Variants in FHIT observed in about 807,000 individuals in gnomAD.
The protein encoded by FHIT is bis(5'-adenosyl)-triphosphatase.
FHIT carries 19 observed loss-of-function variants against 17.9 expected under a neutral mutation model. That is an observed-to-expected ratio of 1.06 (90% CI 0.74 to 1.56). The LOEUF (loss-of-function observed/expected upper bound fraction) is 1.56. Among genes scored for constraint, FHIT ranks in the 40% most tolerant of loss-of-function variants. The probability of loss-of-function intolerance (pLI) is 0.00; values close to 1 mark genes in which losing one functional copy is unlikely to be tolerated. For missense variants in FHIT, 248 were observed against 189.2 expected (o/e 1.31, Z -1.82); for synonymous variants, 81 against 69.7 (o/e 1.16, Z -0.81).
At chr3:60,397,548 T>C (rs1310107947) in intron 5 of FHIT, among the ~76,000 whole-genome samples, 1 of 152,140 alleles carries the variant, frequency 6.6e-6, no homozygotes, top group Non-Finnish European at 1.5e-5. Flanking sequence ...CAGCAGTGGA[T>C]CAAGGATAGC....
chr3:60,255,373 G>T (rs1009512697), intron 5 of FHIT, among the ~76,000 whole-genome samples: 7 of 152,126 alleles, frequency 4.6e-5, no homozygotes, highest in Admixed American at 1.3e-4. Context: ...TGCACAGGAT[G>T]GCACAGGGGT....
At chr3:60,454,032 T>C (rs894672423) in intron 5 of FHIT, among the ~76,000 whole-genome samples, 3 of 152,196 alleles carry the variant, frequency 2.0e-5, no homozygotes, top group Non-Finnish European at 2.9e-5. Flanking sequence ...CTATTTCATC[T>C]TAAGAAAGCA....
At chr3:60,750,365 C>T (rs1222410613) in intron 4 of FHIT, among the ~76,000 whole-genome samples, 1 of 152,186 alleles carries the variant, frequency 6.6e-6, no homozygotes. Context: ...CCCCTCCTGA[C>T]ATGGTTTGGC....
intron 4 of FHIT, among the ~76,000 whole-genome samples, chr3:60,649,275 C>T (rs1314018524): frequency 6.6e-6 from 1 of 152,246 alleles, no homozygotes; most frequent in East Asian, 1.9e-4. Flanking sequence ...TGGCGGGCAC[C>T]TGTAGTCCCA....
chr3:59,907,498 C>T (rs1026539739), intron 8 of FHIT, among the ~76,000 whole-genome samples: 2 of 152,140 alleles, frequency 1.3e-5, no homozygotes, highest in Admixed American at 6.5e-5. Flanking sequence ...GTTCTAACTG[C>T]CCACCCCCAG....
intron 4 of FHIT, among the ~76,000 whole-genome samples, chr3:60,606,599 G>T (rs140904333): frequency 1.3e-5 from 2 of 152,072 alleles, no homozygotes; most frequent in East Asian, 3.9e-4. Context: ...CCACCATTAG[G>T]ATAGTGAATT....
At chr3:59,910,952 T>G (rs73102598) in intron 8 of FHIT, among the ~76,000 whole-genome samples, 1,586 of 152,292 alleles carry the variant, frequency 0.01, 13 homozygotes, top group Admixed American at 0.015. Context: ...AAATTAGAAT[T>G]CATTCCAAAC....
At chr3:60,690,788 A>G (rs1373653512) in intron 4 of FHIT, 1 of 341,572 alleles carries the variant, frequency 2.9e-6, no homozygotes, top group African/African-American at 2.2e-5. Context: ...TCTTAACTTC[A>G]ATTTCTCTCT....
intron 3 of FHIT, among the ~76,000 whole-genome samples, chr3:60,908,776 G>C (rs898360470): frequency 8.0e-5 from 12 of 150,184 alleles, no homozygotes; most frequent in Non-Finnish European, 1.5e-4. Flanking sequence ...CAGAGTCGAA[G>C]CTTGAAAACG....
chr3:59,802,248 C>G (rs772399307), intron 8 of FHIT, among the ~76,000 whole-genome samples: 1 of 152,156 alleles, frequency 6.6e-6, no homozygotes, highest in African/African-American at 2.4e-5. Flanking sequence ...GTAGCCAAAG[C>G]GTCTGCCCTA....
intron 4 of FHIT, among the ~76,000 whole-genome samples, chr3:60,797,818 T>C (rs1701037562): frequency 6.6e-6 from 1 of 151,962 alleles, no homozygotes; most frequent in Non-Finnish European, 1.5e-5. Flanking sequence ...TTGATTTAAA[T>C]GTTTTTTATT....
At chr3:60,431,680 T>C (rs1702911783) in intron 5 of FHIT, among the ~76,000 whole-genome samples, 1 of 151,690 alleles carries the variant, frequency 6.6e-6, no homozygotes, top group African/African-American at 2.4e-5. Flanking sequence ...AAGTCGGGAG[T>C]CTGCATTTCC....
Position 60,197,415 on chromosome 3 carries a change from C to T in FHIT, c.104-183263G>A, listed in dbSNP as rs369223900. Among the ~76,000 whole-genome samples the T allele has an allele frequency of 5.3e-5, 8 of 152,254 alleles. No individual in the cohort carries two copies. The South Asian group carries it at 1.5e-3, about 28-fold the overall frequency. ...AATTTCTCCTGCTTCTGTAATATGG[C>T]AACTCAAAAATCTCATGTGCCTTGC... On this transcript the variant is annotated intron_variant, in intron 5 of 9. Coordinates refer to ENST00000492590, the MANE Select transcript of FHIT (RefSeq NM_002012.4).
chr3:60,295,825 C>T (rs9853628), intron 5 of FHIT, among the ~76,000 whole-genome samples: 37 of 151,932 alleles, frequency 2.4e-4, no homozygotes, highest in African/African-American at 8.5e-4. Flanking sequence ...ATGGTGCTAA[C>T]GCAGCTGGGC....
At chr3:60,013,951 C>T in intron 6 of FHIT, 56 bp downstream of exon 6, 1 of 1,561,450 alleles carries the variant, frequency 6.4e-7, no homozygotes. Context: ...GGAGCAAGCC[C>T]AATGCCGGGA....
At chr3:60,483,860 T>C (rs2033722962) in intron 5 of FHIT, among the ~76,000 whole-genome samples, 1 of 152,178 alleles carries the variant, frequency 6.6e-6, no homozygotes, top group Non-Finnish European at 1.5e-5. Flanking sequence ...ATAAAGAGTA[T>C]TCGCATAGGA....
intron 4 of FHIT, among the ~76,000 whole-genome samples, chr3:60,747,700 T>G (rs1559691139): frequency 6.6e-6 from 1 of 152,166 alleles, no homozygotes. Context: ...TCAACGACAA[T>G]TCAATGTGTG....
chr3:60,963,631 C>T (rs563749700), intron 3 of FHIT, among the ~76,000 whole-genome samples: 65 of 152,156 alleles, frequency 4.3e-4, no homozygotes, highest in Non-Finnish European at 8.4e-4. Context: ...TATGTTGTGT[C>T]TTTGTTCTTA....
At chr3:60,950,157 AC>A (rs1220875734) in intron 3 of FHIT, among the ~76,000 whole-genome samples, 1 of 152,200 alleles carries the variant, frequency 6.6e-6, no homozygotes, top group Non-Finnish European at 1.5e-5. Flanking sequence ...AGTGATGCTC[AC>A]AAGAGTATGA....
Sources: gnomAD v4.1 joint callset for allele counts (sites outside exome capture counted in the v4.1 genomes callset) on GRCh38, gnomAD v4.1.1 for gene constraint, MANE v1.5 for transcripts, NCBI Gene and HGNC (gene_info 2026-07-23, HGNC 2026-07-21) for gene names.